The following NBAS variants were observed in gnomAD, a reference collection of about 807,000 sequenced individuals.
The protein encoded by NBAS is NBAS subunit of NRZ tethering complex, also known as NAG/BC035112 fusion.
In NBAS, 219 loss-of-function variants were observed where a neutral mutation model predicts 302.5. The ratio of observed to expected loss-of-function variants is 0.72; its 90% CI spans 0.65 to 0.81. The LOEUF (loss-of-function observed/expected upper bound fraction) is 0.81, where lower values mean the gene tolerates loss of function less well. NBAS is among the 30% of genes least tolerant of loss of function. The probability of loss-of-function intolerance (pLI) is 0.00; values close to 1 mark genes in which losing one functional copy is unlikely to be tolerated. For synonymous variants in NBAS, 1,118 were observed against 1,021.6 expected, an observed-to-expected ratio of 1.09 and a Z score of -1.80; for missense variants, 2,932 against 2,841.6, an observed-to-expected ratio of 1.03 and a Z score of -0.72.
At chr2:15,106,838 T>C in the NBAS span, among the ~76,000 whole-genome samples, 1 of 152,062 alleles carries the variant, frequency 6.6e-6, no homozygotes, top group Non-Finnish European at 1.5e-5. Flanking sequence ...AAAAGTGTGA[T>C]ATTAATCCAG....
At chr2:15,271,682 T>C (rs949486903) in intron 44 of NBAS, among the ~76,000 whole-genome samples, 12 of 152,214 alleles carry the variant, frequency 7.9e-5, no homozygotes, top group African/African-American at 2.9e-4. Flanking sequence ...GTACTAGCTA[T>C]TGACAGCAAG....
intron 42 of NBAS, 29 bp downstream of exon 42, chr2:15,287,044 A>G: frequency 6.6e-7 from 1 of 1,518,580 alleles, no homozygotes; most frequent in Non-Finnish European, 9.1e-7. Flanking sequence ...AGACATGGAA[A>G]CAAACGTACA....
At chr2:15,297,287 T>G (rs575433428) in intron 40 of NBAS, among the ~76,000 whole-genome samples, 7 of 152,142 alleles carry the variant, frequency 4.6e-5, no homozygotes, top group Non-Finnish European at 8.8e-5. Context: ...GGGAGGGATA[T>G]CTCTTAAAAA....
downstream of NBAS, among the ~76,000 whole-genome samples, chr2:15,164,494 C>T (rs1663968965): frequency 6.6e-6 from 1 of 152,204 alleles, no homozygotes; most frequent in Admixed American, 6.5e-5. Flanking sequence ...AGAGAGGCCT[C>T]CCAGTGCTCA....
the NBAS span, among the ~76,000 whole-genome samples, chr2:15,083,853 C>T: frequency 6.6e-6 from 1 of 152,172 alleles, no homozygotes; most frequent in Non-Finnish European, 1.5e-5. Flanking sequence ...TCATTCTCAG[C>T]TCTTCACTTA....
intron 11 of NBAS, among the ~76,000 whole-genome samples, chr2:15,489,298 T>C (rs1332550616): frequency 6.6e-6 from 1 of 152,170 alleles, no homozygotes; most frequent in East Asian, 1.9e-4. Context: ...GTATGCATTA[T>C]AAATATATTT....
chr2:15,135,944 G>A, the NBAS span, among the ~76,000 whole-genome samples: 27 of 152,054 alleles, frequency 1.8e-4, no homozygotes, highest in Middle Eastern at 3.4e-3. Context: ...GTTTTGGGTC[G>A]CATTCAAAGC....
At chr2:15,493,087 G>A (rs947145519) in intron 11 of NBAS, among the ~76,000 whole-genome samples, 10 of 152,198 alleles carry the variant, frequency 6.6e-5, no homozygotes, top group African/African-American at 2.4e-4. Flanking sequence ...CATGAGATCT[G>A]ATGGTTTAAA....
At chr2:15,559,388 G>GT (rs1664804870) in intron 1 of NBAS, among the ~76,000 whole-genome samples, 1 of 152,126 alleles carries the variant, frequency 6.6e-6, no homozygotes, top group Non-Finnish European at 1.5e-5. Context: ...ACACAGATAC[G>GT]TAATTGCTAT....
At chr2:15,274,173 A>G (rs1669462846) in intron 44 of NBAS, among the ~76,000 whole-genome samples, 1 of 152,206 alleles carries the variant, frequency 6.6e-6, no homozygotes, top group Non-Finnish European at 1.5e-5. Flanking sequence ...AAACCAAGAT[A>G]TATTACTAGG....
At chr2:15,068,481 A>G in the NBAS span, among the ~76,000 whole-genome samples, 1 of 152,218 alleles carries the variant, frequency 6.6e-6, no homozygotes, top group African/African-American at 2.4e-5. Context: ...ATGAGAGGCA[A>G]AAGCAATGAA....
chr2:15,268,238 T>A (rs1669161858), intron 44 of NBAS, among the ~76,000 whole-genome samples: 1 of 152,174 alleles, frequency 6.6e-6, no homozygotes, highest in African/African-American at 2.4e-5. Flanking sequence ...ATAAGTGAAG[T>A]GGGGAGAAAC....
rs557018637 is a variant in NBAS at position 15,557,688 on chromosome 2, G to C, written c.173-869C>G. 5.3e-5 allele frequency among the ~76,000 whole-genome samples: 8 copies of C among 152,180 alleles called. No individual in the cohort carries two copies. The South Asian group carries it at 1.7e-3, about 32-fold the overall frequency. ...ACTTAAATTCACTGGTATAAGGATG[G>C]ACTTTGAAGCCAGAAAGACATGCAG... On this transcript the variant is annotated intron_variant, in intron 2 of 51. Coordinates refer to ENST00000281513, the MANE Select transcript of NBAS (RefSeq NM_015909.4).
chr2:14,891,633 C>T, the NBAS span, among the ~76,000 whole-genome samples: 6 of 152,116 alleles, frequency 3.9e-5, no homozygotes, highest in Non-Finnish European at 7.4e-5. Context: ...TTGAGCATGA[C>T]GGAGAGCAAA....
At chr2:15,070,835 C>A in the NBAS span, among the ~76,000 whole-genome samples, 2 of 107,518 alleles carry the variant, frequency 1.9e-5, no homozygotes, top group African/African-American at 2.6e-5. Flanking sequence ...AGTACAGTTT[C>A]TTTGGAAGAA....
chr2:15,329,052 C>T (rs1472199410), intron 36 of NBAS, among the ~76,000 whole-genome samples: 6 of 152,164 alleles, frequency 3.9e-5, no homozygotes, highest in African/African-American at 7.2e-5. Flanking sequence ...TTGTTACCAG[C>T]ACTGCAGAGT....
chr2:15,416,864 G>C (rs571446854), intron 24 of NBAS, among the ~76,000 whole-genome samples: 1 of 151,328 alleles, frequency 6.6e-6, no homozygotes, highest in African/African-American at 2.4e-5. Context: ...AAATGTGGAA[G>C]GGAAGGAGAG....
At chr2:15,513,934 C>T (rs1006470782) in intron 9 of NBAS, among the ~76,000 whole-genome samples, 2 of 151,934 alleles carry the variant, frequency 1.3e-5, no homozygotes, top group Non-Finnish European at 2.9e-5. Flanking sequence ...TTGCAGTGAG[C>T]CATAATTGTG....
chr2:14,787,258 G>C, the NBAS span, among the ~76,000 whole-genome samples: 1 of 152,070 alleles, frequency 6.6e-6, no homozygotes, highest in Admixed American at 6.6e-5. Context: ...ACACTGATGG[G>C]TCTTGACTCT....
Sources: gnomAD v4.1 joint callset for allele counts (sites outside exome capture counted in the v4.1 genomes callset) on GRCh38, gnomAD v4.1.1 for gene constraint, MANE v1.5 for transcripts, NCBI Gene and HGNC (gene_info 2026-07-23, HGNC 2026-07-21) for gene names.